The following RSRC1 variants were observed in gnomAD, a reference collection of about 807,000 sequenced individuals.
RSRC1 encodes the protein arginine and serine rich coiled-coil 1, also known as serine/Arginine-related protein 53.
RSRC1 carries 39 observed loss-of-function variants against 49.1 expected under a neutral mutation model. The ratio of observed to expected loss-of-function variants is 0.79; its 90% CI spans 0.61 to 1.04. The LOEUF (loss-of-function observed/expected upper bound fraction) is 1.04. Ranked by LOEUF, RSRC1 falls within the 50% of genes least tolerant of loss-of-function variation. The probability of loss-of-function intolerance (pLI) is 0.00; values close to 1 mark genes in which losing one functional copy is unlikely to be tolerated. For missense variants in RSRC1, 388 were observed against 402.4 expected (o/e 0.96, Z 0.31); for synonymous variants, 143 against 130.8 (o/e 1.09, Z -0.63).
intron 6 of RSRC1, among the ~76,000 whole-genome samples, chr3:158,372,462 A>G (rs888326353): frequency 7.2e-5 from 11 of 151,958 alleles, no homozygotes; most frequent in Admixed American, 2.0e-4. Flanking sequence ...TTCACTACAT[A>G]TAAGTAGCTC....
At chr3:158,271,983 A>G (rs1380532672) in intron 4 of RSRC1, among the ~76,000 whole-genome samples, 1 of 152,182 alleles carries the variant, frequency 6.6e-6, no homozygotes, top group Non-Finnish European at 1.5e-5. Flanking sequence ...TTTAATGTGC[A>G]TTGATAATTT....
At chr3:158,484,218 T>TA (rs919365269) in intron 7 of RSRC1, among the ~76,000 whole-genome samples, 1 of 152,068 alleles carries the variant, frequency 6.6e-6, no homozygotes, top group Non-Finnish European at 1.5e-5. Context: ...GGCCACGTGT[T>TA]AAAGAGAGAA....
At chr3:158,478,165 A>C (rs979251040) in intron 7 of RSRC1, among the ~76,000 whole-genome samples, 2 of 151,794 alleles carry the variant, frequency 1.3e-5, no homozygotes, top group African/African-American at 4.8e-5. Flanking sequence ...TACCACTTTG[A>C]TATTTTTTAA....
At chr3:158,358,551 T>G (rs1731284716) in intron 6 of RSRC1, among the ~76,000 whole-genome samples, 1 of 152,220 alleles carries the variant, frequency 6.6e-6, no homozygotes, top group South Asian at 2.1e-4. Flanking sequence ...ACAGAGGGTT[T>G]TTTTAATCAA....
intron 5 of RSRC1, among the ~76,000 whole-genome samples, chr3:158,322,520 A>C (rs1393780283): frequency 6.6e-6 from 1 of 152,212 alleles, no homozygotes; most frequent in Non-Finnish European, 1.5e-5. Flanking sequence ...GCTGCTCTTA[A>C]GATTTTCTCT....
At chr3:158,487,760 G>A in intron 7 of RSRC1, among the ~76,000 whole-genome samples, 1 of 151,540 alleles carries the variant, frequency 6.6e-6, no homozygotes, top group Non-Finnish European at 1.5e-5. Flanking sequence ...GACCAGCCTG[G>A]CCAACATGGT....
chr3:158,148,715 A>G (rs1022277007), intron 3 of RSRC1, among the ~76,000 whole-genome samples: 1 of 152,106 alleles, frequency 6.6e-6, no homozygotes, highest in South Asian at 2.1e-4. Context: ...ATAAAAAAAG[A>G]CGGTATTTCA....
intron 3 of RSRC1, among the ~76,000 whole-genome samples, chr3:158,143,581 A>C (rs2108199942): frequency 6.6e-6 from 1 of 152,340 alleles, no homozygotes; most frequent in South Asian, 2.1e-4. Flanking sequence ...ATGTCTATCA[A>C]TAAAACAATA....
At chr3:158,495,775 T>C (rs1474375359) in intron 7 of RSRC1, among the ~76,000 whole-genome samples, 1 of 152,200 alleles carries the variant, frequency 6.6e-6, no homozygotes, top group Non-Finnish European at 1.5e-5. Context: ...TAAAAGCCAC[T>C]CTCATTTGTT....
intron 3 of RSRC1, among the ~76,000 whole-genome samples, chr3:158,150,080 G>A (rs1717430767): frequency 1.3e-5 from 2 of 152,072 alleles, no homozygotes; most frequent in African/African-American, 4.8e-5. Flanking sequence ...GTTCCAAAAG[G>A]TTTTTGGTTA....
intron 6 of RSRC1, among the ~76,000 whole-genome samples, chr3:158,421,511 T>C (rs1387248378): frequency 1.3e-5 from 2 of 151,708 alleles, no homozygotes; most frequent in East Asian, 2.0e-4. Context: ...TGGACTAGGG[T>C]AGTGGCAGTA....
At chr3:158,175,784 A>G (rs1578164652) in intron 3 of RSRC1, among the ~76,000 whole-genome samples, 1 of 152,164 alleles carries the variant, frequency 6.6e-6, no homozygotes, top group Non-Finnish European at 1.5e-5. Context: ...ACATAGTGCC[A>G]TATTTTTTTG....
At chr3:158,194,879 C>A (rs918484227) in intron 3 of RSRC1, among the ~76,000 whole-genome samples, 3 of 152,080 alleles carry the variant, frequency 2.0e-5, no homozygotes, top group Non-Finnish European at 2.9e-5. Context: ...GCCACATTTT[C>A]TTAATCCAGT....
At chr3:158,190,704 T>G (rs1483161767) in intron 3 of RSRC1, among the ~76,000 whole-genome samples, 1 of 151,708 alleles carries the variant, frequency 6.6e-6, no homozygotes, top group African/African-American at 2.4e-5. Context: ...TTCATGGTTT[T>G]TAGTGAGATA....
In RSRC1 at chr3:158,383,656, G is replaced by T. The variant is rs199588975; in HGVS notation, c.583+28748G>T. On this transcript the variant is annotated intron_variant, in intron 6 of 9. Transcript: ENST00000611884. ...TACTCACCAACTATGATGGGGAGGG[G>T]TGTAATAAGTAGTGGTGGTGTGTCT... is the stretch of plus-strand genomic sequence containing the variant. Among the ~76,000 whole-genome samples, 8 of 152,108 alleles carry T rather than the reference G, an allele frequency of 5.3e-5. No homozygotes were observed. The East Asian group carries it at 1.5e-3, about 29-fold the overall frequency.
intron 5 of RSRC1, among the ~76,000 whole-genome samples, chr3:158,317,975 C>T (rs1266368206): frequency 1.3e-5 from 2 of 152,102 alleles, no homozygotes; most frequent in Non-Finnish European, 2.9e-5. Context: ...TTAAATGTGG[C>T]CCAACACTAA....
chr3:158,402,248 A>G (rs1056050144), intron 6 of RSRC1, among the ~76,000 whole-genome samples: 6 of 151,808 alleles, frequency 4.0e-5, no homozygotes, highest in African/African-American at 1.4e-4. Context: ...TCTTACTAGC[A>G]CTGAGAGGGT....
chr3:158,397,695 A>G (rs1480515084), intron 6 of RSRC1, among the ~76,000 whole-genome samples: 2 of 152,078 alleles, frequency 1.3e-5, no homozygotes, highest in Non-Finnish European at 2.9e-5. Context: ...CAGTCACACA[A>G]GTTTTCTTTC....
chr3:158,422,711 A>G (rs953849803), intron 6 of RSRC1, among the ~76,000 whole-genome samples: 7 of 150,454 alleles, frequency 4.7e-5, no homozygotes, highest in African/African-American at 1.2e-4. Flanking sequence ...AAGTGTTCCT[A>G]TTTCTCCACA....
Sources: gnomAD v4.1 joint callset for allele counts (sites outside exome capture counted in the v4.1 genomes callset) on GRCh38, gnomAD v4.1.1 for gene constraint, MANE v1.5 for transcripts, NCBI Gene and HGNC (gene_info 2026-07-23, HGNC 2026-07-21) for gene names.